The following EIF4G3 variants were observed in gnomAD, a reference collection of about 807,000 sequenced individuals.
EIF4G3 encodes the protein eukaryotic translation initiation factor 4 gamma 3, also known as eIF-4-gamma 3.
A neutral mutation model predicts 186.4 loss-of-function variants in EIF4G3; 34 were observed. The observed-to-expected ratio is 0.18, with a 90% CI of 0.14 to 0.24. The LOEUF (loss-of-function observed/expected upper bound fraction) is 0.24. Among genes scored for constraint, EIF4G3 ranks in the 10% least tolerant of loss-of-function variants. The pLI, the probability that EIF4G3 is intolerant of heterozygous loss-of-function variation, is 1.00. For missense variants in EIF4G3, 1,536 were observed against 1,948.5 expected (o/e 0.79, Z 3.99); for synonymous variants, 673 against 679.5 (o/e 0.99, Z 0.15).
chr1:20,857,064 G>A (rs1220329645), intron 25 of EIF4G3, among the ~76,000 whole-genome samples: 2 of 146,112 alleles, frequency 1.4e-5, no homozygotes, highest in Non-Finnish European at 3.0e-5. Flanking sequence ...TTGGGAGGCT[G>A]AGGCATGAGA....
At chr1:20,856,502 A>G (rs1478415374) in intron 25 of EIF4G3, among the ~76,000 whole-genome samples, 2 of 152,196 alleles carry the variant, frequency 1.3e-5, no homozygotes, top group Non-Finnish European at 2.9e-5. Flanking sequence ...TACATTCTCC[A>G]AAGTTCTTCA....
intron 36 of EIF4G3, among the ~76,000 whole-genome samples, chr1:20,807,907 C>T (rs747112175): frequency 1.3e-5 from 2 of 150,934 alleles, no homozygotes; most frequent in South Asian, 2.1e-4. Flanking sequence ...GGATTATAGG[C>T]GCCTGCCTGG....
intron 2 of EIF4G3, among the ~76,000 whole-genome samples, chr1:21,091,732 G>GT (rs1276497485): frequency 1.3e-5 from 2 of 152,112 alleles, no homozygotes; most frequent in African/African-American, 4.8e-5. Flanking sequence ...GGATTCCTAG[G>GT]TATTTTATTC....
chr1:21,051,255 T>C (rs974728862), intron 3 of EIF4G3, among the ~76,000 whole-genome samples: 1 of 152,078 alleles, frequency 6.6e-6, no homozygotes, highest in Non-Finnish European at 1.5e-5. Context: ...GGAAAACACA[T>C]GCTACAGGAA....
At chr1:21,129,377 T>G (rs1410317660) in intron 2 of EIF4G3, among the ~76,000 whole-genome samples, 1 of 151,718 alleles carries the variant, frequency 6.6e-6, no homozygotes, top group Non-Finnish European at 1.5e-5. Context: ...GACTGGCATA[T>G]CAGTTTCCGA....
chr1:20,886,456 C>T, intron 18 of EIF4G3, 85 bp from the exon 19 acceptor site: 1 of 1,309,982 alleles, frequency 7.6e-7, no homozygotes, highest in Non-Finnish European at 1.1e-6. Context: ...GATGACTACG[C>T]CAAGCAATGC....
At chr1:21,088,996 G>A (rs1393376894) in intron 3 of EIF4G3, 142 bp downstream of exon 3, 2 of 605,338 alleles carry the variant, frequency 3.3e-6, no homozygotes, top group Non-Finnish European at 5.9e-6. Context: ...ATATGGAAAG[G>A]GCCTATCATT....
intron 13 of EIF4G3, among the ~76,000 whole-genome samples, chr1:20,949,545 G>A (rs1361931357): frequency 6.6e-6 from 1 of 152,130 alleles, no homozygotes; most frequent in African/African-American, 2.4e-5. Context: ...GATGGAGCCG[G>A]GATTGGAACT....
chr1:21,057,279 T>C (rs1360452950), intron 3 of EIF4G3, among the ~76,000 whole-genome samples: 1 of 152,178 alleles, frequency 6.6e-6, no homozygotes, highest in Admixed American at 6.5e-5. Flanking sequence ...ATTAACAGAA[T>C]TGATCAATAA....
intron 7 of EIF4G3, among the ~76,000 whole-genome samples, chr1:20,983,977 A>T (rs1177776510): frequency 6.6e-6 from 1 of 152,198 alleles, no homozygotes; most frequent in Non-Finnish European, 1.5e-5. Flanking sequence ...TGTTCTGATA[A>T]AACTTTTAAC....
At chr1:20,830,664 TTTTTATCTCATATA>T (rs1175114759) in intron 30 of EIF4G3, among the ~76,000 whole-genome samples, 1 of 152,150 alleles carries the variant, frequency 6.6e-6, no homozygotes, top group East Asian at 1.9e-4. Flanking sequence ...CCTGCTGCTA[TTTTTATCTCATATA>T]TTTTATCTCA....
chr1:20,945,276 T>C (rs1397314183), intron 13 of EIF4G3, among the ~76,000 whole-genome samples: 2 of 152,032 alleles, frequency 1.3e-5, no homozygotes, highest in African/African-American at 2.4e-5. Context: ...GATAGATGTC[T>C]AGAATATTTA....
intron 3 of EIF4G3, among the ~76,000 whole-genome samples, chr1:21,062,889 C>A (rs974184152): frequency 6.6e-6 from 1 of 152,026 alleles, no homozygotes; most frequent in African/African-American, 2.4e-5. Flanking sequence ...CGGTGCCCAG[C>A]CAATATATAT....
At chr1:21,043,011 T>C (rs1032569943) in intron 4 of EIF4G3, among the ~76,000 whole-genome samples, 2 of 152,132 alleles carry the variant, frequency 1.3e-5, no homozygotes, top group Admixed American at 6.5e-5. Flanking sequence ...AGTGAGTTTT[T>C]CCCCCAAATC....
At chr1:20,918,556 T>A (rs1452494933) in intron 14 of EIF4G3, among the ~76,000 whole-genome samples, 1 of 152,160 alleles carries the variant, frequency 6.6e-6, no homozygotes, top group Non-Finnish European at 1.5e-5. Flanking sequence ...TATGAGTTAT[T>A]CTTCAACATG....
intron 14 of EIF4G3, among the ~76,000 whole-genome samples, chr1:20,936,349 A>G (rs1460414659): frequency 6.6e-6 from 1 of 152,214 alleles, no homozygotes; most frequent in Non-Finnish European, 1.5e-5. Flanking sequence ...ACTGAAGCCA[A>G]TGGTCCTTGC....
chr1:20,860,542 T>C, intron 23 of EIF4G3, 25 bp from the exon 24 acceptor site: 1 of 1,598,712 alleles, frequency 6.3e-7, no homozygotes, highest in Non-Finnish European at 8.5e-7. Flanking sequence ...AATAAGGTTA[T>C]CTGCCAGATA....
intron 20 of EIF4G3, among the ~76,000 whole-genome samples, chr1:20,868,090 C>CTTTTTTCTTT (rs1553236848): frequency 1.1e-5 from 1 of 90,416 alleles, no homozygotes; most frequent in Non-Finnish European, 2.0e-5. Context: ...TGGTGATTTT[C>CTTTTTTCTTT]TTTTTTTTTT....
intron 12 of EIF4G3, among the ~76,000 whole-genome samples, chr1:20,966,266 A>G (rs914678169): frequency 2.6e-5 from 4 of 152,216 alleles, no homozygotes; most frequent in Non-Finnish European, 4.4e-5. Flanking sequence ...GGGCTGTCTC[A>G]TCTGTAGTCT....
Sources: allele counts gnomAD v4.1 joint callset (sites outside exome capture counted in the v4.1 genomes callset), GRCh38; gene constraint gnomAD v4.1.1; transcripts MANE v1.5; gene names NCBI Gene and HGNC (gene_info 2026-07-23, HGNC 2026-07-21).